Variants in KCNJ15 observed in about 807,000 individuals in gnomAD.
KCNJ15 encodes the protein ATP-sensitive inward rectifier potassium channel 15.
Under a neutral mutation model 23.0 loss-of-function variants are expected in KCNJ15, and 14 were observed. The observed-to-expected ratio is 0.61, with a 90% CI of 0.40 to 0.95. The LOEUF (loss-of-function observed/expected upper bound fraction) is 0.95. Ranked by LOEUF, KCNJ15 falls within the 40% of genes least tolerant of loss-of-function variation. KCNJ15 has a pLI of 0.00. For missense variants in KCNJ15, 388 were observed against 461.8 expected (o/e 0.84, Z 1.46); for synonymous variants, 185 against 183.2 (o/e 1.01, Z -0.08).
At chr21:38,288,026 CTTTGTTTTTTTTTTTTTTTT>C (rs1402345897) in intron 1 of KCNJ15, among the ~76,000 whole-genome samples, 2 of 78,170 alleles carry the variant, frequency 2.6e-5, no homozygotes, top group Non-Finnish European at 4.5e-5. Flanking sequence ...TTGTTTTTTT[CTTTGTTTTTTTTTTTTTTTT>C]TTTTTTTTTT....
intron 1 of KCNJ15, among the ~76,000 whole-genome samples, chr21:38,266,691 T>C (rs145570763): frequency 5.3e-5 from 8 of 152,312 alleles, no homozygotes; most frequent in African/African-American, 1.7e-4. Flanking sequence ...GATTGCTGGG[T>C]CAAATGGTAT....
chr21:38,245,439 A>G (rs561240220), intron 1 of KCNJ15, among the ~76,000 whole-genome samples: 1 of 152,086 alleles, frequency 6.6e-6, no homozygotes, highest in East Asian at 1.9e-4. Flanking sequence ...TAAAAATACT[A>G]CTGGAAAGAA....
intron 1 of KCNJ15, among the ~76,000 whole-genome samples, chr21:38,241,967 TAAAAAAA>T (rs34321677): frequency 5.4e-5 from 6 of 111,986 alleles, no homozygotes; most frequent in South Asian, 3.0e-4. Flanking sequence ...AGACTCCATC[TAAAAAAA>T]AAAAAAAAAA....
rs151259984 is a variant in KCNJ15, at chr21:38,236,570, G to C, written c.-398-20476G>C. Among the ~76,000 whole-genome samples the C allele has an allele frequency of 1.0e-3, 158 of 152,270 alleles. 1 individual carries two copies. The highest frequency in any genetic ancestry group is 2.0e-3 in the Non-Finnish European group (134 of 68,016). On this transcript the variant is annotated intron_variant, in intron 1 of 4. Coordinates refer to the KCNJ15 transcript ENST00000547341. The stretch of plus-strand genomic sequence containing the variant: ...CACATATGGGTGGATTCCCAAGTCA[G>C]ATGCTTTGTTCTGAAACTATCTTTA...
Position 38,300,707 on chromosome 21 carries a change from C to T in KCNJ15, c.*318C>T, listed in dbSNP as rs187112490. On this transcript the variant is annotated 3_prime_UTR_variant, in exon 3 of 3. Transcript: ENST00000398938. Reference sequence around the variant, plus strand: ...ATAAACAGACATTTAGCAATCCTGACATTAAAAGGAAATGTATTTCTATAC... The same window carrying T: ...ATAAACAGACATTTAGCAATCCTGATATTAAAAGGAAATGTATTTCTATAC... The T allele has an allele frequency of 2.9e-3, 725 of 247,234 alleles. 6 individuals carry two copies. Among genetic ancestry groups the T allele is most frequent in the Non-Finnish European group, 4.6e-3 (556 of 119,842 alleles). 15.3% of individuals were successfully genotyped at this position (247,234 alleles called of 1,614,324 possible).
intron 1 of KCNJ15, among the ~76,000 whole-genome samples, chr21:38,261,192 A>G (rs959051424): frequency 2.0e-5 from 3 of 152,138 alleles, no homozygotes; most frequent in Admixed American, 6.5e-5. Context: ...GCGGATGGCT[A>G]TGGAACTCAT....
chr21:38,273,454 C>T (rs559972124), intron 1 of KCNJ15, among the ~76,000 whole-genome samples: 2 of 152,334 alleles, frequency 1.3e-5, no homozygotes, highest in East Asian at 3.9e-4. Flanking sequence ...CCTTTTCTCC[C>T]AATGTTCAGA....
intron 1 of KCNJ15, among the ~76,000 whole-genome samples, 189 bp downstream of exon 1, chr21:38,257,374 A>G (rs1305928243): frequency 6.6e-6 from 1 of 152,144 alleles, no homozygotes. Flanking sequence ...ACGGGATTTT[A>G]CTTAATGATG....
chr21:38,264,990 A>G lies in KCNJ15; in HGVS notation c.-117+7805A>G, dbSNP rs142659294. Among the ~76,000 whole-genome samples the G allele has an allele frequency of 6.1e-3, 935 of 152,326 alleles. 5 individuals carry two copies. Among genetic ancestry groups the G allele is most frequent in the Middle Eastern group, 0.014 (4 of 294 alleles). On this transcript the variant is annotated intron_variant, in intron 1 of 2. Coordinates refer to ENST00000398938, the MANE Select transcript of KCNJ15 (RefSeq NM_170736.3). The stretch of plus-strand genomic sequence containing the variant: ...TGGGCTGGAAGTCTGATTCTGAGGA[A>G]GAAAACAAGGGGAAAAAATAAAAGA...
rs1307752117 is a variant in KCNJ15, at chr21:38,304,263, A to G, written c.*3874A>G. 2.1e-5 allele frequency: 1 copy of G among 48,484 alleles called. No homozygotes were observed. The highest frequency in any genetic ancestry group is 8.1e-5 in the African/African-American group (1 of 12,384). 3.0% of individuals were successfully genotyped at this position (48,484 alleles called of 1,614,324 possible). On this transcript the variant is annotated 3_prime_UTR_variant, in exon 3 of 3. Coordinates refer to ENST00000398938, the MANE Select transcript of KCNJ15 (RefSeq NM_170736.3). ...TATCCCTCCCCCCTCCCCCCACCCC[A>G]CAACAGTCCCCGGTGTGTGATGTTC...
intron 1 of KCNJ15, among the ~76,000 whole-genome samples, chr21:38,295,209 C>G (rs888212757): frequency 6.6e-6 from 1 of 152,154 alleles, no homozygotes; most frequent in Non-Finnish European, 1.5e-5. Flanking sequence ...AGACAACATT[C>G]TATTTAGAGC....
rs941934855 is a variant in KCNJ15, at chr21:38,246,232, T to C, written c.-398-10814T>C. On this transcript the variant is annotated intron_variant, in intron 1 of 4. Transcript: ENST00000547341. ...TGTATCTAGGCTAGGGTCTGGTTTCTTTGCTGTTTTGGATAATGGCTTAGG... is the reference window on the plus strand; with the variant it reads ...TGTATCTAGGCTAGGGTCTGGTTTCCTTGCTGTTTTGGATAATGGCTTAGG... Among the ~76,000 whole-genome samples, 34 of 152,192 alleles carry C rather than the reference T, an allele frequency of 2.2e-4. 1 individual carries two copies. Among genetic ancestry groups the C allele is most frequent in the Non-Finnish European group, 7.4e-5 (5 of 68,026 alleles).
intron 1 of KCNJ15, chr21:38,238,369 G>A (rs923702827): frequency 5.4e-5 from 39 of 717,732 alleles, no homozygotes; most frequent in Admixed American, 1.4e-4. Flanking sequence ...CAGGAAACTC[G>A]AGGGGTCCCC....
chr21:38,238,237 A>C, intron 1 of KCNJ15: 1 of 595,348 alleles, frequency 1.7e-6, no homozygotes. Flanking sequence ...TCACGGATGT[A>C]GCAGTTTTCG....
intron 1 of KCNJ15, among the ~76,000 whole-genome samples, chr21:38,245,158 G>A (rs1979276331): frequency 6.6e-6 from 1 of 151,934 alleles, no homozygotes; most frequent in Non-Finnish European, 1.5e-5. Flanking sequence ...AGGCAAGGCG[G>A]GGCTGGAGAC....
At position 38,306,371 on chromosome 21, in the gene KCNJ15, TAAA is replaced by T. The variant is rs61389166; in HGVS notation, c.*5992_*5994del. ...GTTGATTATAGAGTATCTATTTCCTTAAAAAAAAAAAACCATAAGTTGTTGACT... is the reference window on the plus strand; with the variant it reads ...GTTGATTATAGAGTATCTATTTCCTTAAAAAAAAACCATAAGTTGTTGACT... On this transcript the variant is annotated 3_prime_UTR_variant, in exon 3 of 3. Coordinates refer to ENST00000398938, the MANE Select transcript of KCNJ15 (RefSeq NM_170736.3). The T allele has an allele frequency of 6.7e-5, 10 of 149,002 alleles. No homozygotes were observed. Among genetic ancestry groups the T allele is most frequent in the African/African-American group, 2.4e-4 (10 of 40,854 alleles). 9.2% of individuals were successfully genotyped at this position (149,002 alleles called of 1,614,324 possible).
intron 1 of KCNJ15, chr21:38,238,302 C>T (rs118010038): frequency 2.4e-5 from 17 of 711,178 alleles, no homozygotes; most frequent in Non-Finnish European, 3.5e-5. Context: ...CACACACATA[C>T]GCAGTGGCCT....
intron 1 of KCNJ15, among the ~76,000 whole-genome samples, chr21:38,247,463 T>A (rs913322595): frequency 3.3e-5 from 5 of 151,512 alleles, no homozygotes; most frequent in Non-Finnish European, 5.9e-5. Context: ...TATGGATGAA[T>A]GGATGTATGG....
chr21:38,283,467 T>C (rs1983562137), intron 1 of KCNJ15, among the ~76,000 whole-genome samples: 1 of 152,224 alleles, frequency 6.6e-6, no homozygotes, highest in Non-Finnish European at 1.5e-5. Context: ...AAAAAACATA[T>C]TTAGCATTTT....
Sources: allele counts gnomAD v4.1 joint callset (sites outside exome capture counted in the v4.1 genomes callset), GRCh38; gene constraint gnomAD v4.1.1; transcripts MANE v1.5; gene names NCBI Gene and HGNC (gene_info 2026-07-23, HGNC 2026-07-21).